TBC1D22A: variants seen among roughly 807,000 people sequenced by gnomAD.
TBC1D22A encodes the protein TBC1 domain family member 22A.
Under a neutral mutation model 60.2 loss-of-function variants are expected in TBC1D22A, and 38 were observed. The ratio of observed to expected loss-of-function variants is 0.63; its 90% confidence interval spans 0.49 to 0.83. The LOEUF is 0.83. Among genes scored for constraint, TBC1D22A ranks in the 40% least tolerant of loss-of-function variants. The pLI is 0.00. For synonymous variants in TBC1D22A, 302 were observed against 281.7 expected (o/e 1.07, Z -0.72); for missense variants, 628 against 701.0 (o/e 0.90, Z 1.18).
At chr22:47,130,028 G>A (rs116126089) in intron 12 of TBC1D22A, among the ~76,000 whole-genome samples, 119 of 152,322 alleles carry the variant, frequency 7.8e-4, no homozygotes, top group African/African-American at 2.5e-3. Flanking sequence ...TCCTTCTGAG[G>A]CTCCTGGGGT....
At chr22:47,112,890 G>T (rs2065902129) in intron 12 of TBC1D22A, among the ~76,000 whole-genome samples, 2 of 152,228 alleles carry the variant, frequency 1.3e-5, no homozygotes, top group South Asian at 4.1e-4. Flanking sequence ...GGCTGCTGGG[G>T]CTGGGGCCTC....
rs76685904 is a variant in TBC1D22A at position 47,045,548 on chromosome 22, G to C, written c.1329+8350G>C. ...TTGAATGGTAATGACATTTCTTAAG[G>C]AGAGATTAAAGAGTTCTTTTTTAAT... is the stretch of plus-strand genomic sequence containing the variant. On this transcript the variant is annotated intron_variant, in intron 11 of 12. Transcript: ENST00000337137. Among the ~76,000 whole-genome samples, 1,023 of 152,302 alleles carry C rather than the reference G, an allele frequency of 6.7e-3. 18 individuals carry two copies. Among genetic ancestry groups the C allele is most frequent in the African/African-American group, 0.024 (985 of 41,562 alleles).
intron 7 of TBC1D22A, among the ~76,000 whole-genome samples, chr22:46,898,402 T>G (rs1286463893): frequency 6.6e-6 from 1 of 152,222 alleles, no homozygotes; most frequent in Non-Finnish European, 1.5e-5. Context: ...GGTCTATGTC[T>G]TTCTCCCGGG....
At chr22:46,922,151 C>G (rs1249430143) in intron 8 of TBC1D22A, among the ~76,000 whole-genome samples, 1 of 152,182 alleles carries the variant, frequency 6.6e-6, no homozygotes, top group Non-Finnish European at 1.5e-5. Context: ...AGTCCTTTCT[C>G]CATTGCTTGT....
At chr22:46,816,189 T>A (rs541348599) in intron 4 of TBC1D22A, among the ~76,000 whole-genome samples, 2 of 152,290 alleles carry the variant, frequency 1.3e-5, no homozygotes, top group East Asian at 3.9e-4. Context: ...CAGCTCCTCC[T>A]CTGCCTGCGG....
At chr22:47,087,974 G>A (rs1057415399) in intron 11 of TBC1D22A, among the ~76,000 whole-genome samples, 1 of 152,110 alleles carries the variant, frequency 6.6e-6, no homozygotes, top group Non-Finnish European at 1.5e-5. Context: ...TTGGGAGGCT[G>A]AGGCAGGAGA....
At chr22:46,815,021 T>G (rs1483311125) in intron 4 of TBC1D22A, among the ~76,000 whole-genome samples, 1 of 152,266 alleles carries the variant, frequency 6.6e-6, no homozygotes, top group East Asian at 1.9e-4. Flanking sequence ...TGATTGTTCA[T>G]GGCTTTATAA....
chr22:47,055,175 T>A (rs981617547), intron 11 of TBC1D22A, among the ~76,000 whole-genome samples: 1 of 152,258 alleles, frequency 6.6e-6, no homozygotes, highest in Non-Finnish European at 1.5e-5. Context: ...GGCTGGCCCT[T>A]GTGCCCTGCT....
At chr22:47,123,932 G>A (rs1029044667) in intron 12 of TBC1D22A, among the ~76,000 whole-genome samples, 1 of 152,108 alleles carries the variant, frequency 6.6e-6, no homozygotes, top group Non-Finnish European at 1.5e-5. Context: ...TTAGCTCTTT[G>A]GACCATTCTT....
chr22:47,011,501 C>T (rs535914111), intron 10 of TBC1D22A, among the ~76,000 whole-genome samples: 2 of 152,296 alleles, frequency 1.3e-5, no homozygotes, highest in South Asian at 4.1e-4. Context: ...TCCCGATGTT[C>T]CCCATAACCA....
At chr22:46,913,090 G>A (rs2070073412) in intron 8 of TBC1D22A, among the ~76,000 whole-genome samples, 1 of 152,110 alleles carries the variant, frequency 6.6e-6, no homozygotes, top group African/African-American at 2.4e-5. Context: ...TTTAAGTACT[G>A]CATATTTTTC....
chr22:46,949,614 C>A (rs1481969597), intron 8 of TBC1D22A, among the ~76,000 whole-genome samples: 1 of 152,198 alleles, frequency 6.6e-6, no homozygotes, highest in Admixed American at 6.5e-5. Context: ...CTCTTGTTAG[C>A]AAATTTATAT....
intron 1 of TBC1D22A, among the ~76,000 whole-genome samples, chr22:46,782,342 C>T (rs1362808919): frequency 2.6e-5 from 4 of 152,206 alleles, no homozygotes; most frequent in Non-Finnish European, 1.5e-5. Context: ...CCTGAGCCAC[C>T]GTGCCCAGCC....
chr22:47,116,053 C>T (rs1333325357), intron 12 of TBC1D22A: 3 of 152,320 alleles, frequency 2.0e-5, no homozygotes, highest in African/African-American at 4.8e-5. Flanking sequence ...GCTAAACGCC[C>T]TGCAGGCCGC....
chr22:46,768,998 G>A (rs942532695), intron 1 of TBC1D22A, among the ~76,000 whole-genome samples: 2 of 149,742 alleles, frequency 1.3e-5, no homozygotes, highest in African/African-American at 2.5e-5. Flanking sequence ...GGAGGCTGAA[G>A]CAGGAGAATC....
chr22:47,067,851 C>G (rs1283861242), intron 11 of TBC1D22A, among the ~76,000 whole-genome samples: 1 of 152,246 alleles, frequency 6.6e-6, no homozygotes, highest in African/African-American at 2.4e-5. Flanking sequence ...TCTTCAGGTG[C>G]CTGAAGGCCT....
At chr22:46,788,673 G>A (rs2084272316) in intron 1 of TBC1D22A, among the ~76,000 whole-genome samples, 1 of 152,198 alleles carries the variant, frequency 6.6e-6, no homozygotes, top group African/African-American at 2.4e-5. Context: ...AGGGATCAGC[G>A]CTTTGCTTTC....
intron 5 of TBC1D22A, among the ~76,000 whole-genome samples, chr22:46,887,714 G>A (rs2068191236): frequency 6.6e-6 from 1 of 152,210 alleles, no homozygotes; most frequent in Non-Finnish European, 1.5e-5. Flanking sequence ...CTGCTAAGAC[G>A]GTGATGGTCT....
intron 7 of TBC1D22A, 59 bp downstream of exon 7, chr22:46,894,905 C>T (rs2068593955): frequency 3.2e-6 from 5 of 1,580,614 alleles, no homozygotes; most frequent in Non-Finnish European, 4.3e-6. Flanking sequence ...GCCCACTGTG[C>T]TAACCAGACA....
Sources: allele counts gnomAD v4.1 joint callset (sites outside exome capture counted in the v4.1 genomes callset), GRCh38; gene constraint gnomAD v4.1.1; transcripts MANE v1.5; gene names NCBI Gene and HGNC (gene_info 2026-07-23, HGNC 2026-07-21).